Variants in OSBPL6 observed in about 807,000 individuals in gnomAD.
The protein encoded by OSBPL6 is oxysterol-binding protein-related protein 6.
OSBPL6 carries 49 observed loss-of-function variants against 125.8 expected under a neutral mutation model. The observed-to-expected ratio is 0.39, with a 90% CI of 0.31 to 0.49. OSBPL6 has a LOEUF of 0.49. Ranked by LOEUF, OSBPL6 falls within the 20% of genes least tolerant of loss-of-function variation. OSBPL6 has a pLI of 0.88. For missense variants in OSBPL6, 986 were observed against 1,135.4 expected, an observed-to-expected ratio of 0.87 and a Z score of 1.89; for synonymous variants, 394 against 391.8, an observed-to-expected ratio of 1.01 and a Z score of -0.07.
At chr2:178,289,982 A>T (rs1302870030) in intron 2 of OSBPL6, among the ~76,000 whole-genome samples, 1 of 152,156 alleles carries the variant, frequency 6.6e-6, no homozygotes, top group African/African-American at 2.4e-5. Flanking sequence ...CCCCACTTTT[A>T]GTGATGCTGT....
chr2:178,249,485 T>G (rs1472760248), intron 1 of OSBPL6, among the ~76,000 whole-genome samples: 1 of 152,182 alleles, frequency 6.6e-6, no homozygotes, highest in East Asian at 1.9e-4. Flanking sequence ...AAATGTGACT[T>G]TGTATATATC....
intron 1 of OSBPL6, among the ~76,000 whole-genome samples, chr2:178,282,116 A>T (rs192734067): frequency 2.0e-5 from 3 of 152,324 alleles, no homozygotes; most frequent in African/African-American, 4.8e-5. Context: ...CTTCTTCCTA[A>T]CTGGAAAGAT....
intron 3 of OSBPL6, among the ~76,000 whole-genome samples, chr2:178,307,799 G>A (rs763441883): frequency 1.3e-5 from 2 of 152,046 alleles, no homozygotes; most frequent in Non-Finnish European, 2.9e-5. Context: ...CAGTTGACCC[G>A]GCTCACCCTG....
At chr2:178,280,623 T>G (rs973411170) in intron 1 of OSBPL6, among the ~76,000 whole-genome samples, 4 of 152,234 alleles carry the variant, frequency 2.6e-5, no homozygotes, top group African/African-American at 9.6e-5. Context: ...TTTCGTGCAT[T>G]TAATAGCAAA....
In OSBPL6 at chr2:178,399,328, G is replaced by A. The variant is rs1212128647; in HGVS notation, c.*3769G>A. Reference sequence around the variant, plus strand: ...ACTATCCAAAGTAGGATTCGGTCCTGTAAGTCCTAACTGAATTTCTTTTGT... The same window carrying A: ...ACTATCCAAAGTAGGATTCGGTCCTATAAGTCCTAACTGAATTTCTTTTGT... On this transcript the variant is annotated 3_prime_UTR_variant, in exon 25 of 25. Transcript: ENST00000190611. The A allele has an allele frequency of 6.6e-6, 1 of 152,154 alleles. No homozygotes were observed. Among genetic ancestry groups the A allele is most frequent in the East Asian group, 1.9e-4 (1 of 5,200 alleles). 9.4% of individuals were successfully genotyped at this position (152,154 alleles called of 1,614,324 possible).
intron 13 of OSBPL6, among the ~76,000 whole-genome samples, chr2:178,362,608 G>A (rs1482455095): frequency 6.6e-6 from 1 of 152,212 alleles, no homozygotes; most frequent in Admixed American, 6.5e-5. Context: ...GGATCAGAGT[G>A]AAGGAGCAAG....
chr2:178,250,548 G>A (rs1044702772), intron 1 of OSBPL6, among the ~76,000 whole-genome samples: 1 of 152,138 alleles, frequency 6.6e-6, no homozygotes, highest in African/African-American at 2.4e-5. Flanking sequence ...TGACAAAGGC[G>A]GCTGCTTGCC....
chr2:178,365,956 T>C lies in OSBPL6; in HGVS notation c.1287+4141T>C, dbSNP rs368212904. Among the ~76,000 whole-genome samples, 183 of 152,220 alleles carry C rather than the reference T, an allele frequency of 1.2e-3. 1 individual carries two copies. The highest frequency in any genetic ancestry group is 7.4e-3 in the East Asian group (38 of 5,170). Reference sequence around the variant, plus strand: ...CCCTGTTTGGAGTGAGGTGACACAGTCTCAGCTCACTGCAACCTCCGCCTC... The same window carrying C: ...CCCTGTTTGGAGTGAGGTGACACAGCCTCAGCTCACTGCAACCTCCGCCTC... On this transcript the variant is annotated intron_variant, in intron 13 of 24. Transcript: ENST00000190611.
chr2:178,329,081 G>A (rs1183519106), intron 5 of OSBPL6, among the ~76,000 whole-genome samples: 1 of 152,132 alleles, frequency 6.6e-6, no homozygotes, highest in East Asian at 1.9e-4. Flanking sequence ...GGATATGTAA[G>A]ACATGCCTTA....
intron 3 of OSBPL6, among the ~76,000 whole-genome samples, chr2:178,315,376 G>T (rs564014502): frequency 6.6e-6 from 1 of 152,232 alleles, no homozygotes; most frequent in Admixed American, 6.5e-5. Context: ...TTTCCTAAAG[G>T]TCATATTTTA....
At chr2:178,369,812 C>T (rs1419367902) in intron 13 of OSBPL6, among the ~76,000 whole-genome samples, 1 of 152,106 alleles carries the variant, frequency 6.6e-6, no homozygotes, top group African/African-American at 2.4e-5. Flanking sequence ...AAATGGCAAA[C>T]CTATCTTTAA....
chr2:178,227,666 C>T (rs763060793), intron 1 of OSBPL6, among the ~76,000 whole-genome samples: 1 of 152,074 alleles, frequency 6.6e-6, no homozygotes, highest in Non-Finnish European at 1.5e-5. Context: ...TTTAGCAATG[C>T]AATATTAAAT....
chr2:178,228,098 T>A (rs1023003360), intron 1 of OSBPL6, among the ~76,000 whole-genome samples: 1 of 152,224 alleles, frequency 6.6e-6, no homozygotes, highest in Non-Finnish European at 1.5e-5. Flanking sequence ...TTGGAAATTA[T>A]ACATTTTGCA....
At chr2:178,269,266 G>A (rs1265222362) in intron 1 of OSBPL6, among the ~76,000 whole-genome samples, 1 of 152,170 alleles carries the variant, frequency 6.6e-6, no homozygotes, top group Non-Finnish European at 1.5e-5. Context: ...GGACCTCATT[G>A]TGTTTGCCAA....
At chr2:178,225,104 C>T (rs2090500159) in intron 1 of OSBPL6, among the ~76,000 whole-genome samples, 1 of 151,534 alleles carries the variant, frequency 6.6e-6, no homozygotes, top group Admixed American at 6.6e-5. Context: ...TGACAGGTGG[C>T]AGTGTTTTAG....
In OSBPL6 at chr2:178,333,041, G is replaced by A; in HGVS notation, c.657G>A (p.Lys219=). 6.2e-7 allele frequency: 1 copy of A among 1,613,342 alleles called. No individual in the cohort carries two copies. Among genetic ancestry groups the A allele is most frequent in the East Asian group, 2.2e-5 (1 of 44,864 alleles). ...CTAATGTTTCTGTAATGGATGGAAA[G>A]GTATGACTTTGTTCTATAAAAACCA... is the stretch of plus-strand genomic sequence containing the variant. ...PAANVSVMDG[K]MQPNSFPWQS... Residue 219 remains lysine, a splice_region_variant and synonymous_variant, in exon 8 of 25, where the codon AAG becomes AAA. Transcript: ENST00000190611.
chr2:178,259,129 AGTAGTTTGCCT>A (rs2091976758), intron 1 of OSBPL6, among the ~76,000 whole-genome samples: 1 of 152,168 alleles, frequency 6.6e-6, no homozygotes, highest in East Asian at 1.9e-4. Context: ...CACATTGTGA[AGTAGTTTGCCT>A]GTAGCTAGCT....
chr2:178,282,856 T>C (rs1289490355), intron 1 of OSBPL6, among the ~76,000 whole-genome samples: 2 of 152,166 alleles, frequency 1.3e-5, no homozygotes, highest in Admixed American at 6.5e-5. Flanking sequence ...TTTCACCATG[T>C]TGGCCAAGCT....
intron 15 of OSBPL6, among the ~76,000 whole-genome samples, chr2:178,374,633 G>A (rs1317785441): frequency 6.6e-6 from 1 of 152,182 alleles, no homozygotes; most frequent in Non-Finnish European, 1.5e-5. Context: ...TTGCTACAGT[G>A]TAGTCAACTT....
Sources: allele counts gnomAD v4.1 joint callset (sites outside exome capture counted in the v4.1 genomes callset), GRCh38; gene constraint gnomAD v4.1.1; transcripts MANE v1.5; gene names NCBI Gene and HGNC (gene_info 2026-07-23, HGNC 2026-07-21).